Variants in NRG1 observed in about 807,000 individuals in gnomAD.
NRG1 encodes the protein pro-neuregulin-1, membrane-bound isoform.
A neutral mutation model predicts 63.8 loss-of-function variants in NRG1; 18 were observed. The observed-to-expected ratio is 0.28, with a 90% CI of 0.19 to 0.42. The LOEUF (loss-of-function observed/expected upper bound fraction) is 0.42, where lower values mean the gene tolerates loss of function less well. NRG1 is among the 10% of genes least tolerant of loss of function. The pLI is 1.00. For missense variants in NRG1, 762 were observed against 814.7 expected (o/e 0.94, Z 0.79); for synonymous variants, 302 against 301.3 (o/e 1.00, Z -0.02).
intron 1 of NRG1, among the ~76,000 whole-genome samples, chr8:31,870,572 T>C (rs1468235357): frequency 2.0e-5 from 3 of 152,148 alleles, no homozygotes; most frequent in Non-Finnish European, 4.4e-5. Flanking sequence ...TTTTTGATTA[T>C]AGAATTTTAA....
intron 1 of NRG1, among the ~76,000 whole-genome samples, chr8:31,917,558 G>C (rs1833509432): frequency 6.6e-6 from 1 of 151,738 alleles, no homozygotes; most frequent in African/African-American, 2.4e-5. Context: ...CTGTTCCATT[G>C]GTCTATATCT....
At chr8:32,027,486 C>G (rs1817630618) in intron 1 of NRG1, among the ~76,000 whole-genome samples, 1 of 137,994 alleles carries the variant, frequency 7.2e-6, no homozygotes, top group African/African-American at 2.7e-5. Flanking sequence ...CCCTCCCTCC[C>G]TAATCTAGGA....
intron 1 of NRG1, among the ~76,000 whole-genome samples, chr8:31,673,125 G>A (rs1045957805): frequency 6.6e-6 from 1 of 151,744 alleles, no homozygotes; most frequent in Non-Finnish European, 1.5e-5. Context: ...GTTTTAAATT[G>A]TAGTATATAT....
chr8:31,844,749 A>C (rs1826512414), intron 1 of NRG1, among the ~76,000 whole-genome samples: 1 of 152,066 alleles, frequency 6.6e-6, no homozygotes, highest in Non-Finnish European at 1.5e-5. Context: ...ATTTTTAAAA[A>C]TGCCTCTGTA....
chr8:32,396,906 G>GC (rs1243750320), intron 1 of NRG1, among the ~76,000 whole-genome samples: 1 of 152,108 alleles, frequency 6.6e-6, no homozygotes, highest in Non-Finnish European at 1.5e-5. Context: ...TTTCTACCAA[G>GC]CTTCTCTTCA....
chr8:32,341,724 T>A (rs1191509027), intron 1 of NRG1, among the ~76,000 whole-genome samples: 1 of 152,180 alleles, frequency 6.6e-6, no homozygotes, highest in African/African-American at 2.4e-5. Context: ...AACCAAGTTG[T>A]ATCGTTGAAG....
chr8:32,398,666 C>T (rs1812762879), intron 1 of NRG1, among the ~76,000 whole-genome samples: 1 of 152,244 alleles, frequency 6.6e-6, no homozygotes, highest in Non-Finnish European at 1.5e-5. Flanking sequence ...CCACCTCAGC[C>T]TTCCAAAGTG....
intron 1 of NRG1, among the ~76,000 whole-genome samples, chr8:32,454,391 G>A (rs748006562): frequency 6.6e-6 from 1 of 151,794 alleles, no homozygotes; most frequent in Non-Finnish European, 1.5e-5. Context: ...TTACTGTTTC[G>A]AGGTTTTTCT....
intron 1 of NRG1, among the ~76,000 whole-genome samples, chr8:32,068,035 A>T (rs1303061989): frequency 1.3e-5 from 2 of 152,160 alleles, no homozygotes; most frequent in African/African-American, 4.8e-5. Flanking sequence ...ATTGTCATGA[A>T]ACACTCCTTG....
rs145973581 is a variant in NRG1, at chr8:32,613,794, C to G, written c.401-720C>G. Among the ~76,000 whole-genome samples, 14 of 152,012 alleles carry G rather than the reference C, an allele frequency of 9.2e-5. No homozygotes were observed. In the East Asian group the frequency reaches 2.1e-3, roughly 23 times the overall value. On this transcript the variant is annotated intron_variant, in intron 3 of 11. Transcript: ENST00000356819. ...GTGTTAGATTCTGCCAAACTGAAGC[C>G]CTTTTCAGAACTGAATATGGAATTA...
chr8:32,126,304 G>T (rs1834058518), intron 1 of NRG1, among the ~76,000 whole-genome samples: 1 of 151,746 alleles, frequency 6.6e-6, no homozygotes, highest in South Asian at 2.1e-4. Context: ...AGATGCTATT[G>T]GGCAACAACA....
intron 1 of NRG1, among the ~76,000 whole-genome samples, chr8:31,805,915 T>C (rs1822239176): frequency 6.6e-6 from 1 of 151,436 alleles, no homozygotes; most frequent in South Asian, 2.1e-4. Flanking sequence ...TATTTCTGCA[T>C]AGTATTCTTA....
At chr8:32,638,754 C>T (rs914012386) in intron 5 of NRG1, among the ~76,000 whole-genome samples, 8 of 152,090 alleles carry the variant, frequency 5.3e-5, no homozygotes, top group Admixed American at 2.6e-4. Context: ...AAATTCATAT[C>T]GTTTTAAGTA....
chr8:32,192,749 A>T (rs1313808255), intron 1 of NRG1, among the ~76,000 whole-genome samples: 1 of 152,220 alleles, frequency 6.6e-6, no homozygotes, highest in African/African-American at 2.4e-5. Flanking sequence ...CTTGAAAAAA[A>T]TAAGTAAGTA....
chr8:32,299,377 T>C (rs551426372), intron 1 of NRG1, among the ~76,000 whole-genome samples: 146 of 152,298 alleles, frequency 9.6e-4, no homozygotes, highest in African/African-American at 3.3e-3. Flanking sequence ...ATTCTAAAAA[T>C]AAGATTTTAT....
intron 1 of NRG1, among the ~76,000 whole-genome samples, chr8:32,539,766 G>A (rs1207950258): frequency 6.6e-6 from 1 of 151,904 alleles, no homozygotes; most frequent in Non-Finnish European, 1.5e-5. Context: ...TGGACCATGG[G>A]CCAGCATTTA....
At chr8:32,499,887 C>A (rs376929714) in intron 1 of NRG1, among the ~76,000 whole-genome samples, 51 of 151,920 alleles carry the variant, frequency 3.4e-4, no homozygotes, top group African/African-American at 1.2e-3. Flanking sequence ...AAGAAAAGGG[C>A]AATTGTGGTT....
intron 1 of NRG1, among the ~76,000 whole-genome samples, chr8:32,517,642 A>C (rs1829959523): frequency 6.6e-6 from 1 of 152,220 alleles, no homozygotes; most frequent in South Asian, 2.1e-4. Context: ...CATATAGCCT[A>C]TGCTTTTGAA....
At chr8:32,348,423 T>C (rs987381711) in intron 1 of NRG1, among the ~76,000 whole-genome samples, 1 of 152,198 alleles carries the variant, frequency 6.6e-6, no homozygotes, top group African/African-American at 2.4e-5. Flanking sequence ...CTACAAACAT[T>C]TAAGTGGCAG....
Sources: allele counts gnomAD v4.1 joint callset (sites outside exome capture counted in the v4.1 genomes callset), GRCh38; gene constraint gnomAD v4.1.1; transcripts MANE v1.5; gene names NCBI Gene and HGNC (gene_info 2026-07-23, HGNC 2026-07-21).